The following HR variants were observed in gnomAD, a reference collection of about 807,000 sequenced individuals.
HR encodes lysine-specific demethylase hairless.
A neutral mutation model predicts 128.6 loss-of-function variants in HR; 83 were observed. The observed-to-expected ratio is 0.65, with a 90% confidence interval of 0.54 to 0.77. The LOEUF is 0.77. Ranked by LOEUF, HR falls within the 30% of genes least tolerant of loss-of-function variation. The probability of loss-of-function intolerance (pLI) is 0.00; values close to 1 mark genes in which losing one functional copy is unlikely to be tolerated. For missense variants in HR, 1,490 were observed against 1,574.6 expected (o/e 0.95, Z 0.91); for synonymous variants, 681 against 658.2 (o/e 1.03, Z -0.53).
At position 22,121,713 on chromosome 8, in the gene HR, A is replaced by AC. The variant is rs768271592; in HGVS notation, c.2122-20dup. 100 of 1,609,584 alleles carry AC rather than the reference A, an allele frequency of 6.2e-5. 1 individual carries two copies. In the Middle Eastern group the frequency reaches 6.6e-4, roughly 11 times the overall value. On this transcript the variant is annotated intron_variant, in intron 8 of 18. Coordinates refer to ENST00000381418, the MANE Select transcript of HR (RefSeq NM_005144.5). ...ATTCCTTCTGTTAAACCCATCCACC[A>AC]CCCCCCCAATCCAACCAGAGATTTT...
At chr8:22,123,877 C>G (rs1402166415) in intron 5 of HR, 64 bp from the exon 6 acceptor site, 1 of 1,531,300 alleles carries the variant, frequency 6.5e-7, no homozygotes, top group East Asian at 2.4e-5. Context: ...GAAGGCTTCA[C>G]GTGGGAAGGA....
Position 22,115,386 on chromosome 8 carries a change from C to G in HR, c.*314G>C. 1 of 519,650 alleles carries G rather than the reference C, an allele frequency of 1.9e-6. No individual in the cohort carries two copies. Among genetic ancestry groups the G allele is most frequent in the South Asian group, 2.2e-5 (1 of 45,848 alleles). 32.2% of individuals were successfully genotyped at this position (519,650 alleles called of 1,614,324 possible). The stretch of plus-strand genomic sequence containing the variant: ...ATTCCCAAGTTTCCCCAAGGAAGGG[C>G]TGTTTGTCTCCTGGGTCTCGGAGGA... On this transcript the variant is annotated 3_prime_UTR_variant, in exon 19 of 19. Transcript: ENST00000381418.
rs201489832 is a variant in HR, at chr8:22,129,058, T to C, written c.113A>G (p.His38Arg). 9 of 1,597,356 alleles carry C rather than the reference T, an allele frequency of 5.6e-6. No individual in the cohort carries two copies. The highest frequency in any genetic ancestry group is 7.7e-6 in the Non-Finnish European group (9 of 1,171,244). ...PGSPPRDGLH[H>R]GPLCLGEPAP... ...AGGCTCTCCCAGGCACAGCGGCCCA[T>C]GGTGCAGTCCATCTCGAGGCGGGCT... Residue 38 changes from histidine to arginine, a missense_variant, in exon 2 of 19, where the codon CAT becomes CGT. Around this residue, in one of 3 missense-constraint regions of HR, gnomAD observed 1,060 missense variants for 1,060.9 expected, o/e 1.00. Coordinates refer to ENST00000381418, the MANE Select transcript of HR (RefSeq NM_005144.5).
chr8:22,127,314 G>T lies in HR; in HGVS notation c.1128C>A (p.His376Gln). ...SGPRACPPSH[H>Q]TKLKKTWLTR... Reference sequence around the variant, plus strand: ...TGAGCCATGTCTTCTTCAGCTTGGTGTGGTGGCTGGGGGGACAGGCCCTGG... The same window carrying T: ...TGAGCCATGTCTTCTTCAGCTTGGTTTGGTGGCTGGGGGGACAGGCCCTGG... Residue 376 changes from histidine to glutamine, a missense_variant, in exon 3 of 19, where the codon CAC (histidine) becomes CAA (glutamine). Coordinates refer to ENST00000381418, the MANE Select transcript of HR (RefSeq NM_005144.5). 1 of 1,613,398 alleles carries T rather than the reference G, an allele frequency of 6.2e-7. No individual in the cohort carries two copies. The highest frequency in any genetic ancestry group is 8.5e-7 in the Non-Finnish European group (1 of 1,180,034).
At chr8:22,123,616 A>ACC in intron 6 of HR, 33 bp downstream of exon 6, 7 of 562,346 alleles carry the variant, frequency 1.2e-5, no homozygotes, top group South Asian at 6.7e-5. Context: ...TGAGGGCTCC[A>ACC]TCCCGCCCTC....
At chr8:22,124,526 C>T (rs1826837409) in intron 5 of HR, among the ~76,000 whole-genome samples, 1 of 152,206 alleles carries the variant, frequency 6.6e-6, no homozygotes, top group Non-Finnish European at 1.5e-5. Flanking sequence ...TAGGACTTGC[C>T]CCTGCCTCGC....
In HR at chr8:22,119,081, C is replaced by T. The variant is rs781407877; in HGVS notation, c.3098-16G>A. 15 of 1,613,322 alleles carry T rather than the reference C, an allele frequency of 9.3e-6. No individual in the cohort carries two copies. Among genetic ancestry groups the T allele is most frequent in the African/African-American group, 2.7e-5 (2 of 74,938 alleles). ...GAAAGGAAGTCTGAGGAGGAAAGAG[C>T]GCTCAGGCAGGCCCAGGGCTGGTGG... is the stretch of plus-strand genomic sequence containing the variant. On this transcript the variant is annotated splice_polypyrimidine_tract_variant and intron_variant, in intron 15 of 18. Coordinates refer to ENST00000381418, the MANE Select transcript of HR (RefSeq NM_005144.5).
Position 22,128,658 on chromosome 8 carries a change from C to A in HR, c.513G>T (p.Leu171=), listed in dbSNP as rs1265244105. The A allele has an allele frequency of 6.3e-7, 1 of 1,589,586 alleles. No individual in the cohort carries two copies. Among genetic ancestry groups the A allele is most frequent in the Non-Finnish European group, 8.6e-7 (1 of 1,168,730 alleles). ...GCCAGTCACATGGATGCTCTGGGGGCAGGCCAGACACTAGGTAGGGTGGCA... is the reference window on the plus strand; with the variant it reads ...GCCAGTCACATGGATGCTCTGGGGGAAGGCCAGACACTAGGTAGGGTGGCA... The part of the protein sequence containing the change: ...TCLPPYLVSG[L]PPEHPCDWPL... Residue 171 remains leucine, a synonymous_variant, in exon 2 of 19, where the codon CTG becomes CTT. Coordinates refer to ENST00000381418, the MANE Select transcript of HR (RefSeq NM_005144.5).
At position 22,119,193 on chromosome 8, in the gene HR, G is replaced by C. The variant is rs138162168; in HGVS notation, c.3068C>G (p.Pro1023Arg). 67 of 1,613,776 alleles carry C rather than the reference G, an allele frequency of 4.2e-5. No homozygotes were observed. In the African/African-American group the frequency reaches 7.9e-4, roughly 19 times the overall value. ...CTGTGCCCGGTGCCAGGCAGGCAGT[G>C]GTGTGTCGGCATGCACCAGGATGCT... ...LVSILVHADT[P>R]LPAWHRAQKD... The change falls in exon 15 of 19, where the codon CCA (proline) becomes CGA (arginine). Residue 1023 changes from proline to arginine, a missense_variant. Around this residue, in one of 3 missense-constraint regions of HR, gnomAD observed 423 missense variants for 495.9 expected, o/e 0.85. Transcript: ENST00000381418.
chr8:22,120,928 T>A lies in HR; in HGVS notation c.2398A>T (p.Ile800Phe). 1 of 1,576,682 alleles carries A rather than the reference T, an allele frequency of 6.3e-7. No individual in the cohort carries two copies. The highest frequency in any genetic ancestry group is 8.6e-7 in the Non-Finnish European group (1 of 1,160,814). ...TTCCGTTCCACCACCTGTGCGATAA[T>A]GCTGTCCAGGATGTTGGTGATGCGG... Reference protein sequence around the residue: ...DDRITNILDSIIAQVVERKIQ... With the variant: ...DDRITNILDSFIAQVVERKIQ... The change falls in exon 11 of 19, where the codon ATT (isoleucine) becomes TTT (phenylalanine). Residue 800 changes from isoleucine to phenylalanine, a missense_variant. Ile to Phe is a conservative substitution (Grantham distance 21). This residue lies in a region of HR where 1,060 missense variants were observed against 1,060.9 expected (regional missense o/e 1.00). Coordinates refer to ENST00000381418, the MANE Select transcript of HR (RefSeq NM_005144.5).
chr8:22,123,684 C>A lies in HR; in HGVS notation c.1880G>T (p.Arg627Leu), dbSNP rs555198344. 6.5e-7 allele frequency: 1 copy of A among 1,549,632 alleles called. No homozygotes were observed. The highest frequency in any genetic ancestry group is 1.9e-5 in the Admixed American group (1 of 52,440). Residue 627 changes from arginine to leucine, a missense_variant, in exon 6 of 19, where the codon CGT becomes CTT. By Grantham distance (102) the Arg-to-Leu change is moderately radical. Coordinates refer to ENST00000381418, the MANE Select transcript of HR (RefSeq NM_005144.5). ...CCTGGCCCGCCCAGTGCCTGCCACA[C>A]GACCACAGGCCACACACAGCCGGTG... is the stretch of plus-strand genomic sequence containing the variant. Reference protein sequence around the residue: ...CSHRLCVACGRVAGTGRAREK... With the variant: ...CSHRLCVACGLVAGTGRAREK...
At chr8:22,124,631 G>A (rs897071103) in intron 5 of HR, among the ~76,000 whole-genome samples, 1 of 152,228 alleles carries the variant, frequency 6.6e-6, no homozygotes, top group Admixed American at 6.5e-5. Context: ...TGCCAGGGAA[G>A]GGTGAGGATG....
At position 22,122,895 on chromosome 8, in the gene HR, G is replaced by A; in HGVS notation, c.1916-16C>T. The A allele has an allele frequency of 6.4e-7, 1 of 1,550,538 alleles. No homozygotes were observed. Among genetic ancestry groups the A allele is most frequent in the Middle Eastern group, 1.7e-4 (1 of 5,966 alleles). ...TCCTGAAAGCCTGTGGGGCAGGAAGGGAAAAGCTGCAGGTCCAGAAATCAA... is the reference window on the plus strand; with the variant it reads ...TCCTGAAAGCCTGTGGGGCAGGAAGAGAAAAGCTGCAGGTCCAGAAATCAA... On this transcript the variant is annotated splice_polypyrimidine_tract_variant and intron_variant, in intron 6 of 18. Coordinates refer to ENST00000381418, the MANE Select transcript of HR (RefSeq NM_005144.5).
rs139332274 is a variant in HR, at chr8:22,127,539, G to T, written c.903C>A (p.Asn301Lys). ...GNVWAGPGDG[N>K]LGYQLGPPAT... ...CTGGTGGCCCCAGCTGGTACCCAAG[G>T]TTCCCATCGCCTGGCCCAGCCCAGA... Residue 301 changes from asparagine (N) to lysine (K), a missense_variant, in exon 3 of 19, where the codon AAC becomes AAA. Physicochemically the swap from Asn to Lys is moderately conservative, Grantham distance 94. Coordinates refer to ENST00000381418, the MANE Select transcript of HR (RefSeq NM_005144.5). The T allele has an allele frequency of 6.2e-7, 1 of 1,613,094 alleles. No individual in the cohort carries two copies. Among genetic ancestry groups the T allele is most frequent in the South Asian group, 1.1e-5 (1 of 91,088 alleles).
At chr8:22,120,290 T>A in intron 12 of HR, 52 bp downstream of exon 12, 1 of 1,613,080 alleles carries the variant, frequency 6.2e-7, no homozygotes, top group African/African-American at 1.3e-5. Flanking sequence ...TGCCACCCGA[T>A]CCCTAGGGCT....
At position 22,125,442 on chromosome 8, in the gene HR, T is replaced by C; in HGVS notation, c.1619A>G (p.Glu540Gly). The stretch of plus-strand genomic sequence containing the variant: ...GCTGTCAGGGCCGGACCCTGGGCCT[T>C]CCTCAGAGCTGGAGTTGGTGGCTGT... ...EDTATNSSSE[E>G]GPGSGPDSRL... Residue 540 changes from glutamate (E) to glycine (G), a missense_variant, in exon 5 of 19, where the codon GAA (glutamate) becomes GGA (glycine). Physicochemically the swap from Glu to Gly is moderately conservative, Grantham distance 98. This residue lies in a region of HR where 1,060 missense variants were observed against 1,060.9 expected (regional missense o/e 1.00). Transcript: ENST00000381418. 10 of 1,613,450 alleles carry C rather than the reference T, an allele frequency of 6.2e-6. No homozygotes were observed. Among genetic ancestry groups the C allele is most frequent in the Non-Finnish European group, 8.5e-6 (10 of 1,180,004 alleles).
rs1484305999 is a variant in HR, at chr8:22,121,609, T to G, written c.2203+4A>C. ...CAGGCCGAGGGGCAAGAGGAGCCGC[T>G]CACCCTCTTTGATGCTCTTGGTCCT... On this transcript the variant is annotated splice_donor_region_variant and intron_variant, in intron 9 of 18. Coordinates refer to ENST00000381418, the MANE Select transcript of HR (RefSeq NM_005144.5). 1 of 1,613,942 alleles carries G rather than the reference T, an allele frequency of 6.2e-7. No individual in the cohort carries two copies. Among genetic ancestry groups the G allele is most frequent in the Admixed American group, 1.7e-5 (1 of 60,026 alleles).
chr8:22,120,593 A>G, intron 11 of HR, 86 bp from the exon 12 acceptor site: 1 of 1,595,402 alleles, frequency 6.3e-7, no homozygotes. Flanking sequence ...AGGGCAGTAG[A>G]ACAGCTCGGG....
At chr8:22,121,524 C>T in intron 9 of HR, 89 bp downstream of exon 9, 1 of 1,398,758 alleles carries the variant, frequency 7.1e-7, no homozygotes, top group Non-Finnish European at 1.0e-6. Flanking sequence ...GCTAAAGTCC[C>T]CGGAGACTTC....
Sources: gnomAD v4.1 joint callset for allele counts (sites outside exome capture counted in the v4.1 genomes callset) on GRCh38, gnomAD v4.1.1 for gene constraint, gnomAD v4.1.1 regional missense constraint, MANE v1.5 for transcripts, NCBI Gene and HGNC (gene_info 2026-07-23, HGNC 2026-07-21) for gene names.